ZNF335: variants seen among roughly 807,000 people sequenced by gnomAD.
ZNF335 encodes NRC-interacting factor 1.
ZNF335 carries 84 observed loss-of-function variants against 145.6 expected under a neutral mutation model. The ratio of observed to expected loss-of-function variants is 0.58; its 90% CI spans 0.48 to 0.69. The LOEUF is 0.69. Among genes scored for constraint, ZNF335 ranks in the 30% least tolerant of loss-of-function variants. The pLI is 0.00. For missense variants in ZNF335, 1,865 were observed against 1,809.7 expected (o/e 1.03, Z -0.55); for synonymous variants, 761 against 717.0 (o/e 1.06, Z -0.98).
At position 45,970,755 on chromosome 20, in the gene ZNF335, GT is replaced by G. The variant is rs5841616; in HGVS notation, c.201+454del. Among the ~76,000 whole-genome samples, 137 of 127,870 alleles carry G rather than the reference GT, an allele frequency of 1.1e-3. 1 individual carries two copies. Among genetic ancestry groups the G allele is most frequent in the East Asian group, 9.4e-3 (43 of 4,562 alleles). The allele number at this position is 127,870 out of a possible 152,430, so 83.9% of individuals were successfully genotyped here. ...CCCAGTCTTAACCCAGGGCACTTGC[GT>G]TTTTTTTTTTTTTTTTGTAGAGATG... is the stretch of plus-strand genomic sequence containing the variant. On this transcript the variant is annotated intron_variant, in intron 2 of 27. Coordinates refer to ENST00000322927, the MANE Select transcript of ZNF335 (RefSeq NM_022095.4).
In ZNF335 at chr20:45,948,876, G is replaced by A. The variant is rs1456636390; in HGVS notation, c.*77C>T. On this transcript the variant is annotated 3_prime_UTR_variant, in exon 28 of 28. Coordinates refer to ENST00000322927, the MANE Select transcript of ZNF335 (RefSeq NM_022095.4). ...AGTATCTGGAGATCCTAAATGAAGA[G>A]GGAGGTGAGTCCTGGTGGCCCCCTA... The A allele has an allele frequency of 1.2e-6, 2 of 1,601,290 alleles. No homozygotes were observed. The highest frequency in any genetic ancestry group is 1.3e-5 in the African/African-American group (1 of 74,744).
At chr20:45,953,406 T>C (rs897001502) in intron 18 of ZNF335, among the ~76,000 whole-genome samples, 3 of 152,184 alleles carry the variant, frequency 2.0e-5, no homozygotes, top group Admixed American at 6.5e-5. Flanking sequence ...TTCAGGCTGG[T>C]CACTTAACCT....
In ZNF335 at chr20:45,948,958, C is replaced by A; in HGVS notation, c.4024G>T (p.Asp1342Tyr). Reference protein sequence around the residue: ...IEYDVITLADD With the variant: ...IEYDVITLADY The stretch of plus-strand genomic sequence containing the variant: ...CTGTGTTGGGCCCTCGGGGCTCAGT[C>A]ATCGGCCAGGGTGATGACGTCGTAC... The change falls in exon 28 of 28, where the codon GAC (aspartate) becomes TAC (tyrosine). Residue 1342 changes from aspartate (D) to tyrosine (Y), a missense_variant. Physicochemically the swap from Asp to Tyr is radical, Grantham distance 160. Transcript: ENST00000322927. The A allele has an allele frequency of 1.2e-6, 2 of 1,613,874 alleles. No homozygotes were observed. The highest frequency in any genetic ancestry group is 2.2e-5 in the South Asian group (2 of 91,052).
At chr20:45,958,048 C>A in intron 15 of ZNF335, 120 bp from the exon 16 acceptor site, 1 of 762,418 alleles carries the variant, frequency 1.3e-6, no homozygotes, top group Non-Finnish European at 2.2e-6. Flanking sequence ...TCTTCATAAC[C>A]ACTTTTCTTT....
At chr20:45,964,685 T>C (rs1223800392) in intron 7 of ZNF335, among the ~76,000 whole-genome samples, 3 of 152,172 alleles carry the variant, frequency 2.0e-5, no homozygotes, top group Admixed American at 2.0e-4. Flanking sequence ...GGGCAGAATA[T>C]GTGTAACTTT....
intron 17 of ZNF335, among the ~76,000 whole-genome samples, chr20:45,954,668 T>A (rs553809574): frequency 1.3e-5 from 2 of 148,166 alleles, no homozygotes; most frequent in African/African-American, 5.0e-5. Flanking sequence ...AAGCTAACAA[T>A]AGAAAAACAA....
At chr20:45,958,805 G>A (rs1472901250) in intron 15 of ZNF335, among the ~76,000 whole-genome samples, 1 of 152,162 alleles carries the variant, frequency 6.6e-6, no homozygotes, top group Non-Finnish European at 1.5e-5. Context: ...GGATGTGGCT[G>A]GGAAGGCTGG....
chr20:45,952,673 AACC>A lies in ZNF335; in HGVS notation c.2736_2738del (p.Val914del), dbSNP rs778403982. The A allele has an allele frequency of 9.9e-6, 16 of 1,613,816 alleles. No homozygotes were observed. Among genetic ancestry groups the A allele is most frequent in the Non-Finnish European group, 1.4e-5 (16 of 1,180,018 alleles). On this transcript the variant is annotated inframe_deletion, in exon 19 of 28. Coordinates refer to ENST00000322927, the MANE Select transcript of ZNF335 (RefSeq NM_022095.4). ...CAGCTTCTTTTAGGGTGTCACTCAC[AACC>A]ACAGCCTGGGCTGCCTCTCCTGCGG...
rs756746687 is a variant in ZNF335 at position 45,959,338 on chromosome 20, C to T, written c.2116G>A (p.Glu706Lys). The T allele has an allele frequency of 2.0e-5, 31 of 1,585,590 alleles. No homozygotes were observed. Among genetic ancestry groups the T allele is most frequent in the East Asian group, 9.4e-5 (4 of 42,616 alleles). The stretch of plus-strand genomic sequence containing the variant: ...TCAGGGTGGCGCCTCCCCCATTCCT[C>T]GAAGCTGCTTGCGTGTCGGCACCGT... Reference protein sequence around the residue: ...HVRCRHASSFEEWGRRHPEEP... With the variant: ...HVRCRHASSFKEWGRRHPEEP... Residue 706 changes from glutamate (E) to lysine (K), a missense_variant, in exon 15 of 28, where the codon GAG becomes AAG. Glu to Lys is a moderately conservative substitution (Grantham distance 56, BLOSUM62 1). Transcript: ENST00000322927.
intron 9 of ZNF335, 109 bp from the exon 10 acceptor site, chr20:45,962,291 A>G: frequency 1.2e-6 from 1 of 846,582 alleles, no homozygotes; most frequent in Non-Finnish European, 2.0e-6. Context: ...AGCAGCTCAC[A>G]GAACACAGGC....
rs2083573464 is a variant in ZNF335 at position 45,948,895 on chromosome 20, C to A, written c.*58G>T. Reference sequence around the variant, plus strand: ...TGAAGAGGGAGGTGAGTCCTGGTGGCCCCCTACCCCCAGGAGAGCTGGCCG... The same window carrying A: ...TGAAGAGGGAGGTGAGTCCTGGTGGACCCCTACCCCCAGGAGAGCTGGCCG... On this transcript the variant is annotated 3_prime_UTR_variant, in exon 28 of 28. Coordinates refer to ENST00000322927, the MANE Select transcript of ZNF335 (RefSeq NM_022095.4). 6 of 1,609,936 alleles carry A rather than the reference C, an allele frequency of 3.7e-6. No individual in the cohort carries two copies. The highest frequency in any genetic ancestry group is 5.1e-6 in the Non-Finnish European group (6 of 1,177,888).
Position 45,971,855 on chromosome 20 carries a change from C to T in ZNF335, c.-51+267G>A, listed in dbSNP as rs993204393. The T allele has an allele frequency of 2.1e-5, 21 of 985,346 alleles. No individual in the cohort carries two copies. In the South Asian group the frequency reaches 4.2e-4, roughly 20 times the overall value. The allele number at this position is 985,346 out of a possible 1,614,324, so 61.0% of individuals were successfully genotyped here. On this transcript the variant is annotated intron_variant, in intron 1 of 27. Coordinates refer to ENST00000322927, the MANE Select transcript of ZNF335 (RefSeq NM_022095.4). Reference sequence around the variant, plus strand: ...CAGTGGTTCGCTCCCCCCCGGTTCCCCTGCGGAGGCGGCTGACAGCGACGG... The same window carrying T: ...CAGTGGTTCGCTCCCCCCCGGTTCCTCTGCGGAGGCGGCTGACAGCGACGG...
rs11905235 is a variant in ZNF335, at chr20:45,952,149, G to T, written c.3187C>A (p.Arg1063=). Residue 1063 remains arginine, a splice_region_variant and synonymous_variant, in exon 20 of 28, where the codon CGG becomes AGG. Transcript: ENST00000322927. ...PFSARQWPEV[R]AHMAQHSSLR... Reference sequence around the variant, plus strand: ...ACACAGGAGCAACCAGCACCTACCCGGACCTCGGGCCACTGGCGGGCACTG... The same window carrying T: ...ACACAGGAGCAACCAGCACCTACCCTGACCTCGGGCCACTGGCGGGCACTG... 42,782 of 1,595,986 alleles carry T rather than the reference G, an allele frequency of 0.027. 646 individuals are homozygous for T. Among genetic ancestry groups the T allele is most frequent in the Non-Finnish European group, 0.03 (35,232 of 1,168,866 alleles).
At chr20:45,971,752 G>A (rs2084072804) in intron 1 of ZNF335, 10 of 985,348 alleles carry the variant, frequency 1.0e-5, no homozygotes, top group African/African-American at 1.7e-5. Flanking sequence ...CCCCATCCGG[G>A]CCCAGTGGTT....
In ZNF335 at chr20:45,959,292, C is replaced by A. The variant is rs376480436; in HGVS notation, c.2162G>T (p.Arg721Leu). ...AATCTGCTGCAGAGAGAAGAAGGGG[C>A]GACGGCGGGAGGGGGGCTCCTCAGG... ...RHPEEPPSRRRPFFSLQQIEE... is the reference protein window; with the variant it reads ...RHPEEPPSRRLPFFSLQQIEE... The change falls in exon 15 of 28, where the codon CGC becomes CTC. Residue 721 changes from arginine (R) to leucine (L), a missense_variant. Coordinates refer to ENST00000322927, the MANE Select transcript of ZNF335 (RefSeq NM_022095.4). The A allele has an allele frequency of 1.9e-6, 3 of 1,557,412 alleles. No homozygotes were observed. In the South Asian group the frequency reaches 3.5e-5, roughly 18 times the overall value.
At position 45,960,429 on chromosome 20, in the gene ZNF335, G is replaced by C; in HGVS notation, c.1859+20C>G. 6.2e-7 allele frequency: 1 copy of C among 1,614,172 alleles called. No individual in the cohort carries two copies. The highest frequency in any genetic ancestry group is 8.5e-7 in the Non-Finnish European group (1 of 1,180,018). On this transcript the variant is annotated intron_variant, in intron 13 of 27. Coordinates refer to ENST00000322927, the MANE Select transcript of ZNF335 (RefSeq NM_022095.4). ...AGCTGGGGACTGCTCCCGTCCCCAG[G>C]GGCCTCCAAGGGGATGTACCTGCGG...
chr20:45,963,780 C>T lies in ZNF335; in HGVS notation c.1313G>A (p.Arg438Gln). The change falls in exon 8 of 28, where the codon CGA becomes CAA. Residue 438 changes from arginine to glutamine, a missense_variant. Arg to Gln is a conservative substitution (Grantham distance 43). Coordinates refer to ENST00000322927, the MANE Select transcript of ZNF335 (RefSeq NM_022095.4). The stretch of plus-strand genomic sequence containing the variant: ...TAGGAAGCGCCTGGAAGGTCGACCT[C>T]GGCGCCGGGGCAGAGTGTCATGCTC... ...PDEHDTLPRR[R>Q]GRPSRRFLGK... 2.5e-6 allele frequency: 4 copies of T among 1,614,156 alleles called. No homozygotes were observed. Among genetic ancestry groups the T allele is most frequent in the Non-Finnish European group, 3.4e-6 (4 of 1,179,992 alleles).
Position 45,948,832 on chromosome 20 carries a change from G to C in ZNF335, c.*121C>G. The C allele has an allele frequency of 2.7e-6, 4 of 1,496,800 alleles. No individual in the cohort carries two copies. The South Asian group carries it at 4.8e-5, about 18-fold the overall frequency. The allele number at this position is 1,496,800 out of a possible 1,614,324, so 92.7% of individuals were successfully genotyped here. On this transcript the variant is annotated 3_prime_UTR_variant, in exon 28 of 28. Transcript: ENST00000322927. ...AGCACAGGTCTGGCTCCCTGGGAATGAGAGGATGCTGGCTATCCAGTATCT... is the reference window on the plus strand; with the variant it reads ...AGCACAGGTCTGGCTCCCTGGGAATCAGAGGATGCTGGCTATCCAGTATCT...
At chr20:45,969,413 G>A in intron 3 of ZNF335, 38 bp downstream of exon 3, 9 of 1,475,960 alleles carry the variant, frequency 6.1e-6, no homozygotes, top group Non-Finnish European at 8.2e-6. Flanking sequence ...GCCGGACACT[G>A]CAGGAAAACC....
Sources: allele counts gnomAD v4.1 joint callset (sites outside exome capture counted in the v4.1 genomes callset), GRCh38; gene constraint gnomAD v4.1.1; transcripts MANE v1.5; gene names NCBI Gene and HGNC (gene_info 2026-07-23, HGNC 2026-07-21).